Variants in DMBT1 observed in about 807,000 individuals in gnomAD.
The protein encoded by DMBT1 is deleted in malignant brain tumors 1, also known as scavenger receptor cysteine-rich domain-containing protein DMBT1.
A neutral mutation model predicts 252.9 loss-of-function variants in DMBT1; 198 were observed. The ratio of observed to expected loss-of-function variants is 0.78; its 90% CI spans 0.70 to 0.88. The LOEUF (loss-of-function observed/expected upper bound fraction) is 0.88. DMBT1 is among the 40% of genes least tolerant of loss of function. The probability of loss-of-function intolerance (pLI) is 0.00; values close to 1 mark genes in which losing one functional copy is unlikely to be tolerated. For missense variants in DMBT1, 2,432 were observed against 2,404.7 expected, an observed-to-expected ratio of 1.01 and a Z score of -0.24; for synonymous variants, 990 against 942.7, an observed-to-expected ratio of 1.05 and a Z score of -0.92.
chr10:122,643,372 C>A lies in DMBT1; in HGVS notation c.7603C>A (p.Pro2535Thr), dbSNP rs1405821637. 6.2e-7 allele frequency: 1 copy of A among 1,613,598 alleles called. No homozygotes were observed. The highest frequency in any genetic ancestry group is 1.3e-5 in the African/African-American group (1 of 74,888). The change falls in exon 56 of 56, where the codon CCA (proline) becomes ACA (threonine). Residue 2535 changes from proline (P) to threonine (T), a missense_variant. By Grantham distance (38) the Pro-to-Thr change is conservative. Coordinates refer to ENST00000338354, the MANE Select transcript of DMBT1 (RefSeq NM_001377530.1). ...GGGTCCCATCCAGCTGCAGACCCCC[C>A]CACGCCGAGAAGAGGAGCCTCGGTA... ...VLGPIQLQTP[P>T]RREEEPR
chr10:122,625,874 T>G (rs2133654451), intron 45 of DMBT1, 59 bp from the exon 46 acceptor site: 1 of 1,396,902 alleles, frequency 7.2e-7, no homozygotes, highest in Non-Finnish European at 1.0e-6. Flanking sequence ...TCAAACAAAT[T>G]ACTATGGAAT....
In DMBT1 at chr10:122,579,862, A is replaced by G. The variant is rs1969620; in HGVS notation, c.964A>G (p.Asn322Asp). The change falls in exon 10 of 56, where the codon AAC (asparagine) becomes GAC (aspartate). Residue 322 changes from asparagine to aspartate, a missense_variant. Transcript: ENST00000338354. ...CCCCCACAATGGCTGGCTCACCCAC[A>G]ACTGTGGCCATAGTGAAGACGCTGG... is the stretch of plus-strand genomic sequence containing the variant. Reference protein sequence around the residue: ...SCPHNGWLTHNCGHSEDAGVI... With the variant: ...SCPHNGWLTHDCGHSEDAGVI... 42,526 of 1,613,764 alleles carry G rather than the reference A, an allele frequency of 0.026. 2,337 individuals are homozygous for G. Among genetic ancestry groups the G allele is most frequent in the East Asian group, 0.21 (9,518 of 44,864 alleles).
chr10:122,586,334 G>A lies in DMBT1; in HGVS notation c.1734G>A (p.Trp578Ter), dbSNP rs1245328919. ...TGTGGAGCTGCCCCCACAATGGCTG[G>A]CTCTCCCATAACTGTGGCCATAGTG... ...SYLWSCPHNG[W>*]LSHNCGHSED... The change falls in exon 16 of 56, where the codon TGG becomes TGA. Residue 578 changes from tryptophan to a stop codon, truncating the protein, a stop_gained. Transcript: ENST00000338354. LOFTEE classifies it high-confidence loss of function. The A allele has an allele frequency of 3.8e-6, 6 of 1,588,754 alleles. 1 individual carries two copies. Among genetic ancestry groups the A allele is most frequent in the Non-Finnish European group, 5.1e-6 (6 of 1,165,916 alleles).
intron 8 of DMBT1, 85 bp from the exon 9 acceptor site, chr10:122,578,633 G>A (rs2097734552): frequency 3.3e-6 from 4 of 1,198,654 alleles, no homozygotes; most frequent in Non-Finnish European, 3.6e-6. Flanking sequence ...TTTTCACAGT[G>A]CTTGCCTGGT....
intron 53 of DMBT1, 120 bp from the exon 54 acceptor site, chr10:122,637,008 T>C (rs1323108434): frequency 8.9e-6 from 8 of 895,568 alleles, no homozygotes; most frequent in African/African-American, 3.3e-5. Context: ...TCCTAAGTGC[T>C]GACCCTCCCT....
chr10:122,619,324 A>G lies in DMBT1; in HGVS notation c.5232A>G (p.Ser1744=). The change falls in exon 42 of 56, where the codon TCA becomes TCG. Residue 1744 remains serine (S), a synonymous_variant. Coordinates refer to ENST00000338354, the MANE Select transcript of DMBT1 (RefSeq NM_001377530.1). ...GVICSAAQSQ[S]TPRPDTWLTT... ...TTCTCACAGCTGCTCAGTCCCAGTC[A>G]ACGCCCAGGCCAGGTGAGTCCCCAG... 6.2e-7 allele frequency: 1 copy of G among 1,613,922 alleles called. No individual in the cohort carries two copies. The highest frequency in any genetic ancestry group is 8.5e-7 in the Non-Finnish European group (1 of 1,179,860).
intron 8 of DMBT1, among the ~76,000 whole-genome samples, chr10:122,578,221 C>T (rs1018614115): frequency 1.3e-5 from 2 of 152,166 alleles, no homozygotes; most frequent in Non-Finnish European, 2.9e-5. Context: ...CTTGATACCC[C>T]CATCTCTCAC....
At chr10:122,632,149 T>G (rs2098170235) in intron 50 of DMBT1, among the ~76,000 whole-genome samples, 1 of 152,124 alleles carries the variant, frequency 6.6e-6, no homozygotes, top group Non-Finnish European at 1.5e-5. Context: ...CACCAGACCC[T>G]GACCAGTGTT....
chr10:122,587,328 A>G (rs1477136932), intron 16 of DMBT1, among the ~76,000 whole-genome samples: 1 of 148,444 alleles, frequency 6.7e-6, no homozygotes, highest in Non-Finnish European at 1.5e-5. Context: ...CCGGAAACAC[A>G]AGGCTGGGAG....
rs575845590 is a variant in DMBT1, at chr10:122,626,636, G to A, written c.5668+671G>A. Among the ~76,000 whole-genome samples the A allele has an allele frequency of 1.1e-4, 16 of 152,294 alleles. No homozygotes were observed. In the South Asian group the frequency reaches 2.7e-3, roughly 26 times the overall value. ...TAGGTATTTTAAGATCTTGCTGTGT[G>A]TATGGTCAAACTACCATCAAGAATG... is the stretch of plus-strand genomic sequence containing the variant. On this transcript the variant is annotated intron_variant, in intron 46 of 55. Transcript: ENST00000338354.
At chr10:122,617,886 G>A (rs1193488058) in intron 40 of DMBT1, 131 bp from the exon 41 acceptor site, 66 of 1,464,254 alleles carry the variant, frequency 4.5e-5, no homozygotes, top group Non-Finnish European at 5.9e-5. Flanking sequence ...ACCTCCGGTA[G>A]CAGTTGTATG....
At chr10:122,562,085 C>T (rs184387397) in intron 1 of DMBT1, among the ~76,000 whole-genome samples, 15 of 151,766 alleles carry the variant, frequency 9.9e-5, no homozygotes, top group Admixed American at 9.2e-4. Flanking sequence ...CCCTATTTCT[C>T]TCTCTCTCTC....
chr10:122,570,177 C>CAAA lies in DMBT1; in HGVS notation c.107_108insAAA (p.Ser36_Glu37insLys). On this transcript the variant is annotated inframe_insertion, in exon 3 of 56. Transcript: ENST00000338354. ...CACCTCGCAGCTTCACTGATTCCCT[C>CAAA]GGAGGTGCCCTTGGATCCAACTGTA... is the stretch of plus-strand genomic sequence containing the variant. 6.3e-7 allele frequency: 1 copy of CAAA among 1,594,484 alleles called. No homozygotes were observed. The highest frequency in any genetic ancestry group is 1.3e-5 in the African/African-American group (1 of 74,654).
intron 46 of DMBT1, among the ~76,000 whole-genome samples, chr10:122,628,295 C>A (rs957896494): frequency 4.6e-5 from 7 of 152,142 alleles, no homozygotes; most frequent in Non-Finnish European, 8.8e-5. Flanking sequence ...AATCGAGAAA[C>A]AAATATGATA....
Position 122,577,829 on chromosome 10 carries a change from C to T in DMBT1, c.626C>T (p.Thr209Ile), listed in dbSNP as rs200245641. The T allele has an allele frequency of 4.4e-5, 71 of 1,613,768 alleles. No homozygotes were observed. In the African/African-American group the frequency reaches 6.8e-4, roughly 15 times the overall value. The change falls in exon 8 of 56, where the codon ACA becomes ATA. Residue 209 changes from threonine (T) to isoleucine (I), a missense_variant. Transcript: ENST00000338354. ...CTCACAGCTGCCCAGCCTCAGTCAACACTCAGGCCAGGTGAGTCCCCAGAA... is the reference window on the plus strand; with the variant it reads ...CTCACAGCTGCCCAGCCTCAGTCAATACTCAGGCCAGGTGAGTCCCCAGAA... Reference protein sequence around the residue: ...VICSAAQPQSTLRPESWPVRI... With the variant: ...VICSAAQPQSILRPESWPVRI...
In DMBT1 at chr10:122,637,202, A is replaced by G. The variant is rs1433087312; in HGVS notation, c.6832A>G (p.Ser2278Gly). 6.2e-7 allele frequency: 1 copy of G among 1,614,036 alleles called. No individual in the cohort carries two copies. The highest frequency in any genetic ancestry group is 2.2e-5 in the East Asian group (1 of 44,870). The change falls in exon 54 of 56, where the codon AGT becomes GGT. Residue 2278 changes from serine (S) to glycine (G), a missense_variant. By Grantham distance (56) the Ser-to-Gly change is moderately conservative. Coordinates refer to ENST00000338354, the MANE Select transcript of DMBT1 (RefSeq NM_001377530.1). ...SYLQSLGFSASDLVISTWNGY... is the reference protein window; with the variant it reads ...SYLQSLGFSAGDLVISTWNGY... ...TCTCCAATCCTTGGGCTTTTCTGCCAGTGACCTTGTCATTTCCACCTGGAA... is the reference window on the plus strand; with the variant it reads ...TCTCCAATCCTTGGGCTTTTCTGCCGGTGACCTTGTCATTTCCACCTGGAA...
At chr10:122,569,113 T>C (rs553806040) in intron 2 of DMBT1, among the ~76,000 whole-genome samples, 1 of 142,406 alleles carries the variant, frequency 7.0e-6, no homozygotes, top group East Asian at 2.2e-4. Flanking sequence ...CTTCTAAAGC[T>C]GGATATAGTG....
intron 46 of DMBT1, 90 bp downstream of exon 46, chr10:122,626,055 C>T (rs139887648): frequency 3.8e-6 from 4 of 1,052,054 alleles, no homozygotes; most frequent in African/African-American, 3.1e-5. Flanking sequence ...TGCCCCACCC[C>T]AGCCTTCCTC....
chr10:122,576,745 G>A (rs1591231000), intron 7 of DMBT1, 23 bp downstream of exon 7: 6 of 1,613,514 alleles, frequency 3.7e-6, no homozygotes, highest in Non-Finnish European at 4.2e-6. Flanking sequence ...ATCTCTGGAG[G>A]GTTGGGTGTG....
Sources: gnomAD v4.1 joint callset for allele counts (sites outside exome capture counted in the v4.1 genomes callset) on GRCh38, gnomAD v4.1.1 for gene constraint, MANE v1.5 for transcripts, NCBI Gene and HGNC (gene_info 2026-07-23, HGNC 2026-07-21) for gene names.